The following JAK3 variants were observed in gnomAD, a reference collection of about 807,000 sequenced individuals.
JAK3 encodes tyrosine-protein kinase JAK3.
JAK3 carries 88 observed loss-of-function variants against 120.8 expected under a neutral mutation model. That is an observed-to-expected ratio of 0.73 (90% CI 0.61 to 0.87). The LOEUF (loss-of-function observed/expected upper bound fraction) is 0.87. JAK3 is among the 40% of genes least tolerant of loss of function. The pLI, the probability that JAK3 is intolerant of heterozygous loss-of-function variation, is 0.00. For missense variants in JAK3, 1,254 were observed against 1,501.4 expected, an observed-to-expected ratio of 0.84 and a Z score of 2.72; for synonymous variants, 592 against 628.6, an observed-to-expected ratio of 0.94 and a Z score of 0.87.
chr19:17,843,217 C>G lies in JAK3; in HGVS notation c.421-45G>C, dbSNP rs755790673. ...AGCATCAGCTGAGGCCACCCAACTT[C>G]AAGCCCTGTTGTTAACCTGCAGACC... is the stretch of plus-strand genomic sequence containing the variant. On this transcript the variant is annotated intron_variant, in intron 4 of 23. Transcript: ENST00000458235. This position sits in a 1 kb window ranked among gnomAD's most constrained non-coding sequence, Gnocchi z 5.4. The G allele has an allele frequency of 1.9e-6, 3 of 1,581,338 alleles. No homozygotes were observed. Among genetic ancestry groups the G allele is most frequent in the South Asian group, 1.1e-5 (1 of 87,652 alleles).
chr19:17,839,738 C>CTT (rs71164315), intron 9 of JAK3, 75 bp from the exon 10 acceptor site: 10,342 of 785,298 alleles, frequency 0.013, 1 homozygote, highest in South Asian at 0.017. Flanking sequence ...CCTTTTTTTT[C>CTT]TTTTTTTTTT....
rs2094246016 is a variant in JAK3, at chr19:17,843,944, C to A, written c.185-44G>T. The A allele has an allele frequency of 6.2e-7, 1 of 1,610,826 alleles. No individual in the cohort carries two copies. The highest frequency in any genetic ancestry group is 8.5e-7 in the Non-Finnish European group (1 of 1,178,550). On this transcript the variant is annotated intron_variant, in intron 2 of 23. Transcript: ENST00000458235. This position sits in a 1 kb window ranked among gnomAD's most constrained non-coding sequence, Gnocchi z 5.4. ...TCAGCTCCCTCCTGAGTCACCCCAT[C>A]TGTGCCCTTCAGGAGTGCCAGCATC...
chr19:17,827,495 A>G (rs1466830279), intron 23 of JAK3, among the ~76,000 whole-genome samples: 1 of 150,728 alleles, frequency 6.6e-6, no homozygotes, highest in Non-Finnish European at 1.5e-5. Context: ...TTACATGCAC[A>G]CACCGCCACA....
chr19:17,832,627 G>A lies in JAK3; in HGVS notation c.2572C>T (p.Gln858Ter), dbSNP rs933201496. Residue 858 changes from glutamine to a stop codon, truncating the protein, a stop_gained, in exon 19 of 24, where the codon CAG becomes TAG. Coordinates refer to ENST00000458235, the MANE Select transcript of JAK3 (RefSeq NM_000215.4). LOFTEE classifies it high-confidence loss of function. This position sits in a 1 kb window ranked among gnomAD's most constrained non-coding sequence, Gnocchi z 4.7. ...TGALVAVKQL[Q>*]HSGPDQQRDF... is the part of the protein sequence containing the mutation. ...CTCTGCTGGTCTGGCCCGCTGTGCT[G>A]CAGCTGTTTCACGGCCACCAGGGCA... 6.2e-7 allele frequency: 1 copy of A among 1,614,224 alleles called. No homozygotes were observed. Among genetic ancestry groups the A allele is most frequent in the African/African-American group, 1.3e-5 (1 of 75,060 alleles).
intron 17 of JAK3, 150 bp downstream of exon 17, chr19:17,834,421 T>C: frequency 1.4e-6 from 1 of 739,106 alleles, no homozygotes; most frequent in Non-Finnish European, 2.4e-6. Flanking sequence ...TTCGTTACAG[T>C]AGCTGTTGAA....
At position 17,830,131 on chromosome 19, in the gene JAK3, C is replaced by T. The variant is rs745722013; in HGVS notation, c.3184G>A (p.Ala1062Thr). The change falls in exon 23 of 24, where the codon GCG becomes ACG. Residue 1062 changes from alanine to threonine, a missense_variant. Coordinates refer to ENST00000458235, the MANE Select transcript of JAK3 (RefSeq NM_000215.4). ...ELLEEGQRLP[A>T]PPACPAEVHE... ...ACCTCAGCAGGGCAGGCAGGAGGCG[C>T]CGGCAGCCTCTGGCCCTCCTCCAGC... 2 of 1,585,170 alleles carry T rather than the reference C, an allele frequency of 1.3e-6. No homozygotes were observed. The highest frequency in any genetic ancestry group is 1.7e-6 in the Non-Finnish European group (2 of 1,167,122).
At chr19:17,847,182 G>A (rs2094254100) in intron 1 of JAK3, among the ~76,000 whole-genome samples, 1 of 152,136 alleles carries the variant, frequency 6.6e-6, no homozygotes. Flanking sequence ...AAAGGCATGA[G>A]CCACTGTGCC....
At chr19:17,836,356 T>C (rs1408292513) in intron 13 of JAK3, among the ~76,000 whole-genome samples, 3 of 152,146 alleles carry the variant, frequency 2.0e-5, no homozygotes, top group East Asian at 1.9e-4. Context: ...GATCTCGGCT[T>C]ACTGCAACCT....
chr19:17,829,765 A>G lies in JAK3; in HGVS notation c.3207+343T>C, dbSNP rs575946748. ...AGCCCCCATCTATAAAAAAGAAAGAAAGAAAGAAAAAAAAAAACCATGAAC... is the reference window on the plus strand; with the variant it reads ...AGCCCCCATCTATAAAAAAGAAAGAGAGAAAGAAAAAAAAAAACCATGAAC... On this transcript the variant is annotated intron_variant, in intron 23 of 23. Transcript: ENST00000458235. 139 of 464,726 alleles carry G rather than the reference A, an allele frequency of 3.0e-4. 4 individuals carry two copies. In the South Asian group the frequency reaches 5.7e-3, roughly 19 times the overall value. 28.8% of individuals were successfully genotyped at this position (464,726 alleles called of 1,614,324 possible).
At chr19:17,835,708 C>T (rs1033343314) in intron 14 of JAK3, among the ~76,000 whole-genome samples, 1 of 152,156 alleles carries the variant, frequency 6.6e-6, no homozygotes, top group African/African-American at 2.4e-5. Context: ...TCTAGGAAGC[C>T]TTTCTTCCTG....
Position 17,841,326 on chromosome 19 carries a change from G to T in JAK3, c.1142+63C>A. On this transcript the variant is annotated intron_variant, in intron 8 of 23. Transcript: ENST00000458235. This position sits in a 1 kb window ranked among gnomAD's most constrained non-coding sequence, Gnocchi z 4.1. ...GCTCCTGGAAGGTGAGGACACTGAG[G>T]CATAGAGAAGGGGAGGGGCCCTGAG... The T allele has an allele frequency of 6.7e-7, 1 of 1,497,346 alleles. No homozygotes were observed. The highest frequency in any genetic ancestry group is 9.0e-7 in the Non-Finnish European group (1 of 1,113,202). The allele number at this position is 1,497,346 out of a possible 1,614,324, so 92.8% of individuals were successfully genotyped here.
Position 17,831,095 on chromosome 19 carries a change from G to T in JAK3, c.2978+133C>A. Reference sequence around the variant, plus strand: ...GGGGCGGGGCTCTGGGGAGTGGGAGGGGCCAAAGCTGCAGCGGAGGAAGGG... The same window carrying T: ...GGGGCGGGGCTCTGGGGAGTGGGAGTGGCCAAAGCTGCAGCGGAGGAAGGG... On this transcript the variant is annotated intron_variant, in intron 21 of 23. Transcript: ENST00000458235. This position sits in a 1 kb window ranked among gnomAD's most constrained non-coding sequence, Gnocchi z 5.1. 2.2e-6 allele frequency: 2 copies of T among 889,512 alleles called. No homozygotes were observed. The highest frequency in any genetic ancestry group is 3.4e-6 in the Non-Finnish European group (2 of 586,428). 55.1% of individuals were successfully genotyped at this position (889,512 alleles called of 1,614,324 possible).
At chr19:17,830,397 C>T in intron 22 of JAK3, 106 bp downstream of exon 22, 1 of 992,180 alleles carries the variant, frequency 1.0e-6, no homozygotes, top group African/African-American at 1.6e-5. Context: ...ATGCTGGGAC[C>T]AGGTGACCCC....
chr19:17,826,712 G>A lies in JAK3; in HGVS notation c.*31C>T. The A allele has an allele frequency of 6.2e-7, 1 of 1,612,610 alleles. No individual in the cohort carries two copies. The highest frequency in any genetic ancestry group is 8.5e-7 in the Non-Finnish European group (1 of 1,178,642). ...CCTAAGGTCACACAGCCAGTCAACAGAGACCTAATCCAGAGGTCTGCGGGC... is the reference window on the plus strand; with the variant it reads ...CCTAAGGTCACACAGCCAGTCAACAAAGACCTAATCCAGAGGTCTGCGGGC... On this transcript the variant is annotated 3_prime_UTR_variant, in exon 24 of 24. Transcript: ENST00000458235.
intron 23 of JAK3, among the ~76,000 whole-genome samples, chr19:17,829,582 G>T (rs2094209922): frequency 6.6e-6 from 1 of 151,942 alleles, no homozygotes; most frequent in Non-Finnish European, 1.5e-5. Flanking sequence ...ATATAGTGAG[G>T]CTCCCATCTC....
intron 23 of JAK3, 30 bp from the exon 24 acceptor site, chr19:17,826,940 G>A (rs200847861): frequency 1.1e-5 from 17 of 1,598,228 alleles, no homozygotes; most frequent in Admixed American, 1.0e-4. Context: ...TAATGGGGTC[G>A]TGCCTGAGCA....
intron 8 of JAK3, 101 bp from the exon 9 acceptor site, chr19:17,840,442 G>T: frequency 1.3e-6 from 1 of 784,894 alleles, no homozygotes; most frequent in Non-Finnish European, 2.2e-6. Context: ...TGGGATCCTT[G>T]CCAGGTGACA....
Position 17,841,700 on chromosome 19 carries a change from G to C in JAK3, c.924C>G (p.Arg308=), listed in dbSNP as rs745954603. The C allele has an allele frequency of 9.3e-6, 15 of 1,613,596 alleles. No individual in the cohort carries two copies. The South Asian group carries it at 1.5e-4, about 17-fold the overall frequency. The change falls in exon 7 of 24, where the codon CGC becomes CGG. Residue 308 remains arginine (R), a synonymous_variant. Coordinates refer to ENST00000458235, the MANE Select transcript of JAK3 (RefSeq NM_000215.4). The surrounding 1 kb of genome is among the most constrained non-coding windows in gnomAD (Gnocchi z 4.1). ...IVDISIKQAP[R]VGPAGEHRLV... Reference sequence around the variant, plus strand: ...GGCGGTGCTCTCCGGCCGGGCCAACGCGCGGGGCCTGCTTGATGCTAATGT... The same window carrying C: ...GGCGGTGCTCTCCGGCCGGGCCAACCCGCGGGGCCTGCTTGATGCTAATGT...
intron 1 of JAK3, among the ~76,000 whole-genome samples, chr19:17,845,433 G>A (rs890163515): frequency 1.3e-4 from 20 of 152,118 alleles, no homozygotes; most frequent in African/African-American, 4.3e-4. Flanking sequence ...TGGATTACAT[G>A]TGTGAGCCAC....
Sources: gnomAD v4.1 joint callset for allele counts (sites outside exome capture counted in the v4.1 genomes callset) on GRCh38, gnomAD v4.1.1 for gene constraint, Gnocchi (gnomAD v3.1) non-coding constraint, MANE v1.5 for transcripts, NCBI Gene and HGNC (gene_info 2026-07-23, HGNC 2026-07-21) for gene names.